PTGR2: variants seen among roughly 807,000 people sequenced by gnomAD.
PTGR2 encodes prostaglandin reductase 2, also known as 15-oxoprostaglandin 13-reductase.
A neutral mutation model predicts 43.4 loss-of-function variants in PTGR2; 32 were observed. The ratio of observed to expected loss-of-function variants is 0.74; its 90% CI spans 0.56 to 0.99. The LOEUF (loss-of-function observed/expected upper bound fraction) is 0.99. Ranked by LOEUF, PTGR2 falls within the 50% of genes least tolerant of loss-of-function variation. PTGR2 has a pLI of 0.00. For missense variants in PTGR2, 373 were observed against 420.0 expected (o/e 0.89, Z 0.98); for synonymous variants, 106 against 139.2 (o/e 0.76, Z 1.68).
chr14:73,867,088 C>CAAAAAAAAAA (rs200945001), intron 3 of PTGR2, among the ~76,000 whole-genome samples: 6 of 100,090 alleles, frequency 6.0e-5, no homozygotes, highest in African/African-American at 1.2e-4. Flanking sequence ...GACTCTGTCT[C>CAAAAAAAAAA]AAAAAAAAAA....
At chr14:73,860,146 C>T (rs546096725) in intron 2 of PTGR2, among the ~76,000 whole-genome samples, 1 of 151,740 alleles carries the variant, frequency 6.6e-6, no homozygotes, top group East Asian at 1.9e-4. Context: ...CACGCCTGGC[C>T]CCTTGTGCCT....
chr14:73,881,970 A>T (rs2140277964), intron 8 of PTGR2, among the ~76,000 whole-genome samples: 1 of 151,886 alleles, frequency 6.6e-6, no homozygotes, highest in East Asian at 1.9e-4. Flanking sequence ...TTTAGTAGAG[A>T]TGGGGTTTCA....
At chr14:73,873,734 G>A (rs2054790576) in intron 3 of PTGR2, among the ~76,000 whole-genome samples, 2 of 152,070 alleles carry the variant, frequency 1.3e-5, no homozygotes, top group African/African-American at 4.8e-5. Flanking sequence ...AAAGTGCTAG[G>A]ATTATAGGCC....
At chr14:73,883,243 G>A (rs1481436035) in intron 9 of PTGR2, among the ~76,000 whole-genome samples, 2 of 99,620 alleles carry the variant, frequency 2.0e-5, no homozygotes, top group African/African-American at 3.9e-5. Context: ...TTGCTCTGTT[G>A]CCCAGGCTGG....
At chr14:73,855,646 A>G (rs770093572) in intron 1 of PTGR2, among the ~76,000 whole-genome samples, 9 of 151,284 alleles carry the variant, frequency 5.9e-5, no homozygotes, top group Admixed American at 1.3e-4. Context: ...GGGTTTCACC[A>G]TGTTGGTCAG....
At chr14:73,882,892 C>T (rs2055028102) in intron 9 of PTGR2, among the ~76,000 whole-genome samples, 1 of 137,576 alleles carries the variant, frequency 7.3e-6, no homozygotes, top group African/African-American at 2.8e-5. Context: ...ATGATCTTGG[C>T]TCACTGCAAC....
At chr14:73,879,450 C>A (rs1464300427) in intron 6 of PTGR2, 145 bp downstream of exon 6, 14 of 681,288 alleles carry the variant, frequency 2.1e-5, no homozygotes, top group Non-Finnish European at 3.3e-5. Flanking sequence ...TTAAGTGATA[C>A]AAAAGAGCTT....
intron 9 of PTGR2, among the ~76,000 whole-genome samples, chr14:73,883,519 T>C (rs907863092): frequency 5.9e-5 from 9 of 151,686 alleles, no homozygotes; most frequent in Non-Finnish European, 1.2e-4. Flanking sequence ...AGGGCCATGC[T>C]CTGTCACCCG....
intron 3 of PTGR2, among the ~76,000 whole-genome samples, chr14:73,868,316 A>G (rs1003425682): frequency 1.3e-5 from 2 of 150,834 alleles, no homozygotes; most frequent in Non-Finnish European, 3.0e-5. Context: ...ACATAACCTG[A>G]CTCCTTTACC....
chr14:73,857,569 G>A (rs190037747), intron 1 of PTGR2, among the ~76,000 whole-genome samples: 38 of 150,702 alleles, frequency 2.5e-4, no homozygotes, highest in African/African-American at 8.5e-4. Flanking sequence ...AGCTGAGATC[G>A]CGCCACTGCA....
chr14:73,865,660 C>T (rs1204966749), intron 3 of PTGR2, among the ~76,000 whole-genome samples: 1 of 152,098 alleles, frequency 6.6e-6, no homozygotes, highest in East Asian at 1.9e-4. Flanking sequence ...TCCCAAGTAA[C>T]TGGGACGATA....
At chr14:73,853,805 A>G (rs1295028412) in intron 1 of PTGR2, among the ~76,000 whole-genome samples, 1 of 152,174 alleles carries the variant, frequency 6.6e-6, no homozygotes, top group Non-Finnish European at 1.5e-5. Context: ...CCTGGTTAGA[A>G]CTAGGAGAAG....
At chr14:73,869,366 A>G (rs2054671982) in intron 3 of PTGR2, among the ~76,000 whole-genome samples, 1 of 151,840 alleles carries the variant, frequency 6.6e-6, no homozygotes, top group African/African-American at 2.4e-5. Context: ...AGATGCCATC[A>G]ATACCAAAAA....
chr14:73,863,739 C>T (rs902332114), intron 3 of PTGR2, among the ~76,000 whole-genome samples: 9 of 151,794 alleles, frequency 5.9e-5, no homozygotes, highest in Admixed American at 5.3e-4. Context: ...CTCAACCTCC[C>T]GAGTAGCTGG....
chr14:73,883,230 A>T (rs1246732815), intron 9 of PTGR2, among the ~76,000 whole-genome samples: 7 of 61,902 alleles, frequency 1.1e-4, no homozygotes, highest in African/African-American at 2.0e-4. Flanking sequence ...TAAAGAGATG[A>T]TCTTGCTCTG....
At chr14:73,873,025 T>TA (rs2054773441) in intron 3 of PTGR2, among the ~76,000 whole-genome samples, 1 of 151,698 alleles carries the variant, frequency 6.6e-6, no homozygotes, top group Non-Finnish European at 1.5e-5. Flanking sequence ...TTGAAATGTT[T>TA]ACAGGCCAGG....
chr14:73,874,232 A>C lies in PTGR2; in HGVS notation c.348+18A>C. The C allele has an allele frequency of 6.5e-7, 1 of 1,546,764 alleles. No homozygotes were observed. The highest frequency in any genetic ancestry group is 1.2e-5 in the South Asian group (1 of 83,762). ...TTGAAAAGGTGATATATATATGAACATATCTGATTTTTTTTCCCCGTATAA... is the reference window on the plus strand; with the variant it reads ...TTGAAAAGGTGATATATATATGAACCTATCTGATTTTTTTTCCCCGTATAA... On this transcript the variant is annotated intron_variant, in intron 4 of 9. Coordinates refer to ENST00000555661, the MANE Select transcript of PTGR2 (RefSeq NM_001146154.2).
intron 3 of PTGR2, among the ~76,000 whole-genome samples, chr14:73,866,395 C>T (rs141566807): frequency 0.026 from 4,000 of 152,174 alleles, 74 homozygotes; most frequent in Non-Finnish European, 0.039. Flanking sequence ...CCTCAGCCTC[C>T]CAAAGTGCTG....
rs191997299 is a variant in PTGR2 at position 73,884,604 on chromosome 14, A to G, written c.*427A>G. On this transcript the variant is annotated 3_prime_UTR_variant, in exon 10 of 10. Coordinates refer to ENST00000555661, the MANE Select transcript of PTGR2 (RefSeq NM_001146154.2). ...ATTTGTTGAACTGGAAATGTTTTAC[A>G]TGATTCTTAAACTGAAACTTGGTGT... 3.3e-3 allele frequency: 505 copies of G among 154,054 alleles called. 6 individuals carry two copies. Among genetic ancestry groups the G allele is most frequent in the African/African-American group, 0.012 (480 of 41,594 alleles). 9.5% of individuals were successfully genotyped at this position (154,054 alleles called of 1,614,324 possible). A position where few individuals can be genotyped will look rare whatever the true frequency, so the allele number is the denominator to read the frequency against.
Sources: gnomAD v4.1 joint callset for allele counts (sites outside exome capture counted in the v4.1 genomes callset) on GRCh38, gnomAD v4.1.1 for gene constraint, MANE v1.5 for transcripts, NCBI Gene and HGNC (gene_info 2026-07-23, HGNC 2026-07-21) for gene names.